SPATA17: variants seen among roughly 807,000 people sequenced by gnomAD.
The protein encoded by SPATA17 is spermatogenesis-associated protein 17.
Under a neutral mutation model 62.2 loss-of-function variants are expected in SPATA17, and 53 were observed. The ratio of observed to expected loss-of-function variants is 0.85; its 90% confidence interval spans 0.68 to 1.07. The LOEUF is 1.07. Ranked by LOEUF, SPATA17 falls within the 50% of genes least tolerant of loss-of-function variation. The pLI is 0.00. For synonymous variants in SPATA17, 146 were observed against 146.8 expected (o/e 0.99, Z 0.04); for missense variants, 466 against 425.5 (o/e 1.10, Z -0.84).
intron 6 of SPATA17, among the ~76,000 whole-genome samples, chr1:217,750,566 G>A (rs1017232050): frequency 6.6e-6 from 1 of 152,154 alleles, no homozygotes; most frequent in African/African-American, 2.4e-5. Flanking sequence ...TACATTCCCT[G>A]CCACTTATTT....
At chr1:217,801,374 T>C (rs1674307484) in intron 8 of SPATA17, among the ~76,000 whole-genome samples, 1 of 152,156 alleles carries the variant, frequency 6.6e-6, no homozygotes, top group Non-Finnish European at 1.5e-5. Flanking sequence ...GGGATACTAT[T>C]TTAAAATTAA....
chr1:217,863,813 G>A (rs546150401), intron 10 of SPATA17, among the ~76,000 whole-genome samples: 1 of 152,294 alleles, frequency 6.6e-6, no homozygotes, highest in South Asian at 2.1e-4. Context: ...TGTATTGGGT[G>A]AAGACAGCAA....
chr1:217,762,734 C>T (rs7546204), intron 6 of SPATA17, among the ~76,000 whole-genome samples: 1 of 152,168 alleles, frequency 6.6e-6, no homozygotes, highest in East Asian at 1.9e-4. Flanking sequence ...CACTTTGGGA[C>T]GCCGAGGCAG....
intron 5 of SPATA17, among the ~76,000 whole-genome samples, chr1:217,713,803 A>G (rs932736754): frequency 1.3e-4 from 20 of 152,230 alleles, no homozygotes; most frequent in African/African-American, 4.3e-4. Flanking sequence ...ATGGGATTGC[A>G]GACCTTATGA....
At chr1:217,766,095 C>CT in intron 6 of SPATA17, among the ~76,000 whole-genome samples, 1 of 151,858 alleles carries the variant, frequency 6.6e-6, no homozygotes, top group Non-Finnish European at 1.5e-5. Flanking sequence ...ATTGGGTCTT[C>CT]TTTTTTTATC....
At chr1:217,786,750 T>TTTCCTCTTCTTCTTCTTC (rs1673874042) in intron 8 of SPATA17, among the ~76,000 whole-genome samples, 1 of 107,550 alleles carries the variant, frequency 9.3e-6, no homozygotes, top group African/African-American at 3.5e-5. Flanking sequence ...TGATATTCTC[T>TTTCCTCTTCTTCTTCTTC]TTCTTCTTCT....
At position 217,767,973 on chromosome 1, in the gene SPATA17, G is replaced by A. The variant is rs764855576; in HGVS notation, c.520-6361G>A. Among the ~76,000 whole-genome samples, 4 of 152,234 alleles carry A rather than the reference G, an allele frequency of 2.6e-5. No individual in the cohort carries two copies. In the South Asian group the frequency reaches 6.2e-4, roughly 24 times the overall value. On this transcript the variant is annotated intron_variant, in intron 6 of 10. Transcript: ENST00000366933. Reference sequence around the variant, plus strand: ...CTTTTAAAGGAAATGTGGGCCCGGCGCAGTGGCTCATGCTTGTAATTCCAG... The same window carrying A: ...CTTTTAAAGGAAATGTGGGCCCGGCACAGTGGCTCATGCTTGTAATTCCAG...
intron 3 of SPATA17, among the ~76,000 whole-genome samples, chr1:217,658,221 G>T (rs12144297): frequency 0.14 from 21,632 of 152,072 alleles, 1,617 homozygotes; most frequent in Non-Finnish European, 0.17. Flanking sequence ...CATGGGGGAG[G>T]ATCCCTCATG....
chr1:217,713,523 A>G (rs779332110), intron 5 of SPATA17, among the ~76,000 whole-genome samples: 4 of 152,208 alleles, frequency 2.6e-5, no homozygotes, highest in East Asian at 1.9e-4. Flanking sequence ...GAAATTTATA[A>G]TGATCTATGG....
At position 217,866,127 on chromosome 1, in the gene SPATA17, A is replaced by T. The variant is rs182304544; in HGVS notation, c.*3-895A>T. On this transcript the variant is annotated intron_variant, in intron 10 of 10. Coordinates refer to ENST00000366933, the MANE Select transcript of SPATA17 (RefSeq NM_138796.4). ...TATGAGGGGAGAGTAATAATTAAGC[A>T]TATAAGTTATATGTGTGCCTGTTAG... Among the ~76,000 whole-genome samples, 3 of 152,322 alleles carry T rather than the reference A, an allele frequency of 2.0e-5. No individual in the cohort carries two copies. The East Asian group carries it at 5.8e-4, about 29-fold the overall frequency.
At chr1:217,683,503 A>G in intron 5 of SPATA17, 142 bp downstream of exon 5, 2 of 559,990 alleles carry the variant, frequency 3.6e-6, no homozygotes, top group Non-Finnish European at 6.4e-6. Context: ...CAGTGGCGCA[A>G]TCTCGGCTCA....
chr1:217,793,679 C>T (rs1431305272), intron 8 of SPATA17, among the ~76,000 whole-genome samples: 2 of 152,062 alleles, frequency 1.3e-5, no homozygotes, highest in Non-Finnish European at 2.9e-5. Flanking sequence ...GGTTAAGAGT[C>T]ATTACTTTCA....
intron 9 of SPATA17, among the ~76,000 whole-genome samples, chr1:217,808,244 A>G (rs1674489467): frequency 6.6e-6 from 1 of 152,168 alleles, no homozygotes; most frequent in Non-Finnish European, 1.5e-5. Context: ...AAAGGCAAAG[A>G]GAAGGGCAGA....
intron 9 of SPATA17, among the ~76,000 whole-genome samples, chr1:217,829,029 CAG>C (rs939184172): frequency 6.6e-6 from 1 of 152,078 alleles, no homozygotes; most frequent in Non-Finnish European, 1.5e-5. Context: ...GAAAACAACA[CAG>C]AGATTCCTAA....
intron 9 of SPATA17, among the ~76,000 whole-genome samples, chr1:217,813,755 G>C (rs1389531322): frequency 6.6e-6 from 1 of 151,844 alleles, no homozygotes; most frequent in Non-Finnish European, 1.5e-5. Flanking sequence ...GTAGGCTTCA[G>C]GAAAAGTATA....
intron 3 of SPATA17, among the ~76,000 whole-genome samples, chr1:217,665,080 G>A (rs1224224123): frequency 6.6e-6 from 1 of 152,130 alleles, no homozygotes; most frequent in Non-Finnish European, 1.5e-5. Context: ...ACTTGATTGT[G>A]GTGAATTTTG....
chr1:217,702,034 A>G (rs958089980), intron 5 of SPATA17, among the ~76,000 whole-genome samples: 22 of 140,478 alleles, frequency 1.6e-4, no homozygotes, highest in African/African-American at 4.7e-4. Flanking sequence ...AATTTGGTGT[A>G]TATATATATA....
In SPATA17 at chr1:217,669,013, CT is replaced by C. The variant is rs750133838; in HGVS notation, c.241-13del. Reference sequence around the variant, plus strand: ...TTTGTGTAACTGAAATGCATGCCATCTTTTTTTCTTGATTCACAGGTAGCAT... The same window carrying C: ...TTTGTGTAACTGAAATGCATGCCATCTTTTTTCTTGATTCACAGGTAGCAT... On this transcript the variant is annotated intron_variant, in intron 3 of 10. Transcript: ENST00000366933. The C allele has an allele frequency of 8.7e-6, 14 of 1,607,962 alleles. No individual in the cohort carries two copies. Among genetic ancestry groups the C allele is most frequent in the South Asian group, 1.1e-5 (1 of 89,982 alleles).
intron 8 of SPATA17, among the ~76,000 whole-genome samples, chr1:217,799,317 A>T (rs1490931394): frequency 6.6e-6 from 1 of 152,144 alleles, no homozygotes; most frequent in African/African-American, 2.4e-5. Context: ...CATTCCCTTG[A>T]GAAGGCAAAT....
Sources: allele counts gnomAD v4.1 joint callset (sites outside exome capture counted in the v4.1 genomes callset), GRCh38; gene constraint gnomAD v4.1.1; transcripts MANE v1.5; gene names NCBI Gene and HGNC (gene_info 2026-07-23, HGNC 2026-07-21).